Variants in PPP2R2C observed in about 807,000 individuals in gnomAD.
The protein encoded by PPP2R2C is protein phosphatase 2, regulatory subunit B, gamma.
PPP2R2C carries 10 observed loss-of-function variants against 45.3 expected under a neutral mutation model. The observed-to-expected ratio is 0.22, with a 90% CI of 0.14 to 0.37. The LOEUF is 0.37. Ranked by LOEUF, PPP2R2C falls within the 10% of genes least tolerant of loss-of-function variation. PPP2R2C has a pLI of 1.00. For missense variants in PPP2R2C, 308 were observed against 619.7 expected (o/e 0.50, Z 5.34); for synonymous variants, 257 against 245.4 (o/e 1.05, Z -0.44).
intron 1 of PPP2R2C, among the ~76,000 whole-genome samples, chr4:6,556,294 C>T (rs892898206): frequency 7.2e-5 from 11 of 152,102 alleles, no homozygotes; most frequent in Admixed American, 2.6e-4. Context: ...CTGAATGGAA[C>T]AAAAAGGCAG....
chr4:6,494,185 G>A lies in PPP2R2C; in HGVS notation c.49+41086C>T, dbSNP rs371076717. 5.2e-4 allele frequency among the ~76,000 whole-genome samples: 79 copies of A among 152,284 alleles called. No homozygotes were observed. The South Asian group carries it at 0.011, about 21-fold the overall frequency. On this transcript the variant is annotated intron_variant, in intron 2 of 9. Transcript: ENST00000506140. ...CCATTGGTCTAGCCTGAATGCCTCC[G>A]TCTCAGCCCTACAGCCAGGGGGCCC... is the stretch of plus-strand genomic sequence containing the variant.
At chr4:6,447,223 G>A (rs936043403) in intron 1 of PPP2R2C, among the ~76,000 whole-genome samples, 2 of 152,110 alleles carry the variant, frequency 1.3e-5, no homozygotes, top group African/African-American at 4.8e-5. Context: ...AGCCACTCTC[G>A]GGTCGGTGCC....
chr4:6,508,362 G>A (rs575253776), intron 2 of PPP2R2C, among the ~76,000 whole-genome samples: 4 of 152,130 alleles, frequency 2.6e-5, no homozygotes, highest in South Asian at 4.1e-4. Context: ...CGAGGTGGGC[G>A]AATCACGAGG....
chr4:6,511,429 ATGG>A (rs1295041234), intron 2 of PPP2R2C, among the ~76,000 whole-genome samples: 7 of 77,734 alleles, frequency 9.0e-5, no homozygotes, highest in South Asian at 4.5e-4. Flanking sequence ...GATGGTGGTG[ATGG>A]TGGTGGTGAC....
At chr4:6,518,393 T>G (rs1560598752) in intron 2 of PPP2R2C, among the ~76,000 whole-genome samples, 1 of 152,184 alleles carries the variant, frequency 6.6e-6, no homozygotes, top group Non-Finnish European at 1.5e-5. Flanking sequence ...ATAAAATTAA[T>G]AAGCCTCCAG....
chr4:6,416,280 C>T (rs962501435), intron 1 of PPP2R2C, among the ~76,000 whole-genome samples: 3 of 141,964 alleles, frequency 2.1e-5, no homozygotes, highest in Non-Finnish European at 4.7e-5. Flanking sequence ...TGGTTTTCCC[C>T]ATTTTACAAC....
At chr4:6,542,727 A>G (rs1281212493) in intron 1 of PPP2R2C, among the ~76,000 whole-genome samples, 2 of 75,578 alleles carry the variant, frequency 2.6e-5, no homozygotes, top group African/African-American at 8.3e-5. Context: ...AAAAGAAAAA[A>G]AGATCATGCT....
chr4:6,457,051 A>C (rs190251343), intron 1 of PPP2R2C, among the ~76,000 whole-genome samples: 1 of 152,218 alleles, frequency 6.6e-6, no homozygotes, highest in East Asian at 1.9e-4. Flanking sequence ...TCTACTAAAA[A>C]TACAAAAATT....
At position 6,477,934 on chromosome 4, in the gene PPP2R2C, C is replaced by A. The variant is rs372756638; in HGVS notation, c.49+57337G>T. Among the ~76,000 whole-genome samples the A allele has an allele frequency of 2.2e-3, 330 of 152,154 alleles. No homozygotes were observed. In the Middle Eastern group the frequency reaches 0.031, roughly 14 times the overall value. On this transcript the variant is annotated intron_variant, in intron 2 of 9. Transcript: ENST00000506140. Reference sequence around the variant, plus strand: ...CACTCTGCCAGAATTCAGAGCCTCACCCCTCCCTCATGTGGTCCGTGTTCC... The same window carrying A: ...CACTCTGCCAGAATTCAGAGCCTCAACCCTCCCTCATGTGGTCCGTGTTCC...
chr4:6,371,603 C>G (rs2109294134), intron 5 of PPP2R2C, among the ~76,000 whole-genome samples: 2 of 152,246 alleles, frequency 1.3e-5, no homozygotes, highest in Non-Finnish European at 2.9e-5. Context: ...AGCGGGGACT[C>G]TGGGGCCTGA....
chr4:6,339,011 C>A (rs1042388489), intron 6 of PPP2R2C, among the ~76,000 whole-genome samples: 1 of 152,220 alleles, frequency 6.6e-6, no homozygotes, highest in African/African-American at 2.4e-5. Context: ...CGGAGGGATT[C>A]CTGGAGTTAT....
intron 5 of PPP2R2C, among the ~76,000 whole-genome samples, chr4:6,370,986 T>A (rs1039279317): frequency 6.6e-6 from 1 of 152,178 alleles, no homozygotes; most frequent in Non-Finnish European, 1.5e-5. Context: ...GGGCACTCCA[T>A]GCCTTTGGGA....
At chr4:6,494,792 C>T (rs183624557) in intron 2 of PPP2R2C, among the ~76,000 whole-genome samples, 1 of 152,336 alleles carries the variant, frequency 6.6e-6, no homozygotes, top group East Asian at 1.9e-4. Context: ...GCTGGAGAGC[C>T]TGGGGCCAAC....
chr4:6,350,959 T>A (rs1712495472), intron 5 of PPP2R2C: 1 of 985,230 alleles, frequency 1.0e-6, no homozygotes, highest in South Asian at 4.7e-5. Flanking sequence ...AGGTTCAGTG[T>A]CCACCCAAAC....
intron 2 of PPP2R2C, among the ~76,000 whole-genome samples, chr4:6,503,274 G>T (rs1003838541): frequency 6.6e-6 from 1 of 152,168 alleles, no homozygotes; most frequent in Admixed American, 6.5e-5. Flanking sequence ...TGCAGCCACT[G>T]TTCCCTCTGC....
At chr4:6,421,404 T>C (rs1718951499) in intron 1 of PPP2R2C, among the ~76,000 whole-genome samples, 1 of 152,116 alleles carries the variant, frequency 6.6e-6, no homozygotes, top group Non-Finnish European at 1.5e-5. Flanking sequence ...AGGCCCCAAA[T>C]GGAGTGAGGG....
intron 6 of PPP2R2C, among the ~76,000 whole-genome samples, chr4:6,339,330 T>C (rs1047921292): frequency 2.6e-5 from 4 of 152,212 alleles, no homozygotes; most frequent in African/African-American, 9.6e-5. Flanking sequence ...CCCTGCCTCA[T>C]GGCCCCGCCC....
At chr4:6,490,965 C>T (rs1241007808) in intron 2 of PPP2R2C, among the ~76,000 whole-genome samples, 1 of 152,178 alleles carries the variant, frequency 6.6e-6, no homozygotes, top group African/African-American at 2.4e-5. Context: ...AGACCTGACG[C>T]CAGGAGGCCT....
intron 1 of PPP2R2C, among the ~76,000 whole-genome samples, chr4:6,417,169 G>A (rs992838331): frequency 3.3e-5 from 5 of 152,166 alleles, no homozygotes; most frequent in Non-Finnish European, 5.9e-5. Context: ...GCCCCTGGGC[G>A]GGGAGGGGGA....
Sources: allele counts gnomAD v4.1 joint callset (sites outside exome capture counted in the v4.1 genomes callset), GRCh38; gene constraint gnomAD v4.1.1; transcripts MANE v1.5; gene names NCBI Gene and HGNC (gene_info 2026-07-23, HGNC 2026-07-21).